SAMD12: variants seen among roughly 807,000 people sequenced by gnomAD.
SAMD12 encodes the protein sterile alpha motif domain containing 12.
Under a neutral mutation model 15.0 loss-of-function variants are expected in SAMD12, and 9 were observed. That is an observed-to-expected ratio of 0.60 (90% CI 0.36 to 1.05). The LOEUF is 1.05. Among genes scored for constraint, SAMD12 ranks in the 50% least tolerant of loss-of-function variants. SAMD12 has a pLI of 0.01. For synonymous variants in SAMD12, 86 were observed against 90.1 expected (o/e 0.96, Z 0.25); for missense variants, 230 against 234.2 (o/e 0.98, Z 0.12).
chr8:118,303,218 G>A (rs111998615), intron 4 of SAMD12, among the ~76,000 whole-genome samples: 5 of 152,244 alleles, frequency 3.3e-5, no homozygotes, highest in African/African-American at 1.2e-4. Flanking sequence ...TTCTACAAAG[G>A]GATTAAAGGG....
the SAMD12 span, among the ~76,000 whole-genome samples, chr8:118,142,964 C>T: frequency 1.3e-5 from 2 of 152,174 alleles, no homozygotes; most frequent in African/African-American, 4.8e-5. Flanking sequence ...CAGGCACCGG[C>T]CAGGGCCTGT....
chr8:118,334,601 C>G (rs975736256), intron 4 of SAMD12, among the ~76,000 whole-genome samples: 1 of 152,040 alleles, frequency 6.6e-6, no homozygotes, highest in Admixed American at 6.6e-5. Context: ...ATCGGCCTTT[C>G]TCTTTTGTTT....
intron 4 of SAMD12, among the ~76,000 whole-genome samples, chr8:118,298,083 A>AGG (rs10670013): frequency 0.99 from 151,007 of 152,336 alleles, 74,852 homozygotes; most frequent in Middle Eastern, 1. Context: ...CCTACCTGGT[A>AGG]TTTATTGTGA....
At chr8:118,502,403 G>A (rs886820492) in intron 2 of SAMD12, among the ~76,000 whole-genome samples, 1 of 152,120 alleles carries the variant, frequency 6.6e-6, no homozygotes. Context: ...ATTTCTGCAT[G>A]TTGTTTCCCT....
intron 4 of SAMD12, among the ~76,000 whole-genome samples, chr8:118,298,277 T>G (rs951238180): frequency 1.3e-5 from 2 of 152,224 alleles, no homozygotes; most frequent in Non-Finnish European, 2.9e-5. Flanking sequence ...GCATTGTGTT[T>G]ATTTCAAAAT....
At chr8:118,458,680 T>C (rs73313468) in intron 2 of SAMD12, among the ~76,000 whole-genome samples, 3,862 of 152,302 alleles carry the variant, frequency 0.025, 105 homozygotes, top group African/African-American at 0.071. Context: ...TTTGGGATTA[T>C]TGATTATGAA....
the SAMD12 span, among the ~76,000 whole-genome samples, chr8:118,157,307 T>C: frequency 2.0e-5 from 3 of 152,080 alleles, no homozygotes; most frequent in Non-Finnish European, 4.4e-5. Context: ...GGTAACTTAA[T>C]CTCTCCAAGC....
intron 4 of SAMD12, among the ~76,000 whole-genome samples, chr8:118,269,311 TTGAGAA>T (rs1172251986): frequency 6.6e-6 from 1 of 151,510 alleles, no homozygotes; most frequent in Non-Finnish European, 1.5e-5. Context: ...TTCGCTGTTT[TTGAGAA>T]TGTTTTAGAA....
chr8:118,288,133 A>G (rs1300885927), intron 4 of SAMD12: 1 of 152,192 alleles, frequency 6.6e-6, no homozygotes, highest in Non-Finnish European at 1.5e-5. Flanking sequence ...CGATAATACT[A>G]GCTATTAACT....
chr8:118,335,660 C>G (rs923210077), intron 4 of SAMD12, among the ~76,000 whole-genome samples: 1 of 152,164 alleles, frequency 6.6e-6, no homozygotes, highest in African/African-American at 2.4e-5. Context: ...CATTCTTCCT[C>G]TGGCACCAGG....
At chr8:118,612,750 A>T (rs1421212175) in intron 1 of SAMD12, among the ~76,000 whole-genome samples, 1 of 152,220 alleles carries the variant, frequency 6.6e-6, no homozygotes, top group Non-Finnish European at 1.5e-5. Flanking sequence ...GGTTCGCACA[A>T]CCTGTAAGCA....
chr8:118,154,456 G>A, the SAMD12 span, among the ~76,000 whole-genome samples: 1 of 152,090 alleles, frequency 6.6e-6, no homozygotes, highest in Non-Finnish European at 1.5e-5. Flanking sequence ...CCCATGACAT[G>A]CTGTTCATAC....
At chr8:118,246,360 T>C (rs1052939504) in intron 4 of SAMD12, among the ~76,000 whole-genome samples, 1 of 152,134 alleles carries the variant, frequency 6.6e-6, no homozygotes, top group Admixed American at 6.5e-5. Flanking sequence ...TTTTGTCTGC[T>C]TGTAAAAGAA....
chr8:118,464,628 A>G (rs1477889251), intron 2 of SAMD12, among the ~76,000 whole-genome samples: 1 of 152,238 alleles, frequency 6.6e-6, no homozygotes, highest in African/African-American at 2.4e-5. Flanking sequence ...AAGGATACAC[A>G]GAAAAAACTC....
chr8:118,480,844 C>T (rs1276616052), intron 2 of SAMD12, among the ~76,000 whole-genome samples: 5 of 152,304 alleles, frequency 3.3e-5, no homozygotes, highest in African/African-American at 1.2e-4. Context: ...CCCTTCATGC[C>T]ACCTCCTCCA....
chr8:118,423,335 A>AG (rs1822095278), intron 3 of SAMD12, among the ~76,000 whole-genome samples: 2 of 152,206 alleles, frequency 1.3e-5, no homozygotes, highest in South Asian at 4.2e-4. Flanking sequence ...GTAACACACA[A>AG]GGGGGTGAAG....
chr8:118,251,945 AAG>A (rs1812830701), intron 4 of SAMD12, among the ~76,000 whole-genome samples: 1 of 152,060 alleles, frequency 6.6e-6, no homozygotes, highest in East Asian at 1.9e-4. Context: ...AAAAAAGAGA[AAG>A]AGAAATACCC....
rs999728692 is a variant in SAMD12 at position 118,323,393 on chromosome 8, A to G, written c.433+56167T>C. ...AATACAGAGAAAACAAATGTCTAGT[A>G]GAATGTCTGACATAGGATGTCTAAT... On this transcript the variant is annotated intron_variant, in intron 4 of 4. Transcript: ENST00000409003. 2.6e-5 allele frequency among the ~76,000 whole-genome samples: 4 copies of G among 152,116 alleles called. No homozygotes were observed. The South Asian group carries it at 8.3e-4, about 32-fold the overall frequency.
chr8:118,344,079 G>A (rs1817507260), intron 4 of SAMD12, among the ~76,000 whole-genome samples: 1 of 152,188 alleles, frequency 6.6e-6, no homozygotes, highest in East Asian at 1.9e-4. Context: ...AAGCAAGCGA[G>A]GGACAGCAAA....
Sources: allele counts gnomAD v4.1 joint callset (sites outside exome capture counted in the v4.1 genomes callset), GRCh38; gene constraint gnomAD v4.1.1; transcripts MANE v1.5; gene names NCBI Gene and HGNC (gene_info 2026-07-23, HGNC 2026-07-21).